Variants in CSMD1 observed in about 807,000 individuals in gnomAD.
CSMD1 encodes the protein CUB and Sushi multiple domains 1.
A neutral mutation model predicts 417.5 loss-of-function variants in CSMD1; 213 were observed. The ratio of observed to expected loss-of-function variants is 0.51; its 90% CI spans 0.46 to 0.57. The LOEUF is 0.57. CSMD1 is among the 20% of genes least tolerant of loss of function. CSMD1 has a pLI of 0.00. For synonymous variants in CSMD1, 2,862 were observed against 1,736.8 expected (o/e 1.65, Z -16.11); for missense variants, 6,923 against 4,529.7 (o/e 1.53, Z -15.17).
chr8:3,534,739 T>C (rs1263430347), intron 10 of CSMD1, among the ~76,000 whole-genome samples: 1 of 152,196 alleles, frequency 6.6e-6, no homozygotes, highest in Admixed American at 6.5e-5. Flanking sequence ...TGCATAAGCA[T>C]CCAGGTTGAG....
intron 3 of CSMD1, among the ~76,000 whole-genome samples, chr8:4,077,295 G>GTATATATATATATA (rs1253192594): frequency 1.9e-4 from 17 of 88,910 alleles, no homozygotes; most frequent in African/African-American, 7.3e-4. Context: ...ATATATATAT[G>GTATATATATATATA]TGTATATATA....
chr8:3,508,015 G>C lies in CSMD1; in HGVS notation c.1345-14289C>G, dbSNP rs563912616. 4.1e-4 allele frequency among the ~76,000 whole-genome samples: 62 copies of C among 152,250 alleles called. 1 individual carries two copies. Among genetic ancestry groups the C allele is most frequent in the African/African-American group, 1.4e-3 (59 of 41,528 alleles). On this transcript the variant is annotated intron_variant, in intron 10 of 69. Coordinates refer to ENST00000635120, the MANE Select transcript of CSMD1 (RefSeq NM_033225.6). Reference sequence around the variant, plus strand: ...GTGCAGAGGCTCTTGAGTTTTATTAGATCCCATTTGTCAATTTTGGCTTTT... The same window carrying C: ...GTGCAGAGGCTCTTGAGTTTTATTACATCCCATTTGTCAATTTTGGCTTTT...
chr8:4,795,571 A>C (rs1357894972), intron 1 of CSMD1, among the ~76,000 whole-genome samples: 5 of 151,874 alleles, frequency 3.3e-5, no homozygotes, highest in African/African-American at 1.2e-4. Context: ...CAGCTTTCTT[A>C]AGCTTTTTTT....
chr8:4,552,229 C>T (rs1369121500), intron 2 of CSMD1, among the ~76,000 whole-genome samples: 1 of 152,092 alleles, frequency 6.6e-6, no homozygotes, highest in African/African-American at 2.4e-5. Context: ...ATGTGAGCCT[C>T]CCTTTCAAGG....
At chr8:3,337,906 C>G (rs778073943) in intron 23 of CSMD1, among the ~76,000 whole-genome samples, 3 of 152,138 alleles carry the variant, frequency 2.0e-5, no homozygotes, top group African/African-American at 7.2e-5. Flanking sequence ...ATACCCTGGC[C>G]AGGAATCACT....
At chr8:4,931,018 A>G (rs2117189800) in intron 1 of CSMD1, among the ~76,000 whole-genome samples, 1 of 152,338 alleles carries the variant, frequency 6.6e-6, no homozygotes. Context: ...AATGGGAGAC[A>G]TGAGAAAAAG....
At chr8:4,411,362 C>T (rs1796641488) in intron 3 of CSMD1, among the ~76,000 whole-genome samples, 1 of 151,906 alleles carries the variant, frequency 6.6e-6, no homozygotes, top group Admixed American at 6.6e-5. Context: ...TGATTTCTTA[C>T]ATTAAAAAAA....
intron 7 of CSMD1, among the ~76,000 whole-genome samples, chr8:3,659,284 T>G (rs1442410869): frequency 6.6e-6 from 1 of 152,218 alleles, no homozygotes; most frequent in Non-Finnish European, 1.5e-5. Flanking sequence ...ATTGCAGAGA[T>G]GATCACCTTC....
intron 23 of CSMD1, among the ~76,000 whole-genome samples, chr8:3,314,903 A>T (rs1201836296): frequency 2.0e-5 from 3 of 152,260 alleles, no homozygotes; most frequent in Non-Finnish European, 4.4e-5. Context: ...ACGAGCTCAC[A>T]GTAATGTGAG....
At chr8:4,194,671 G>A (rs560288215) in intron 3 of CSMD1, among the ~76,000 whole-genome samples, 1 of 152,166 alleles carries the variant, frequency 6.6e-6, no homozygotes, top group South Asian at 2.1e-4. Context: ...TTAATAAAAT[G>A]GGGAAAAGGA....
intron 49 of CSMD1, among the ~76,000 whole-genome samples, chr8:3,084,863 C>T (rs1335391758): frequency 2.0e-5 from 3 of 151,778 alleles, no homozygotes; most frequent in Non-Finnish European, 4.4e-5. Context: ...TACCACACAA[C>T]TTTAATGTTC....
intron 1 of CSMD1, among the ~76,000 whole-genome samples, chr8:4,783,109 A>G (rs545365357): frequency 3.0e-4 from 45 of 152,342 alleles, no homozygotes; most frequent in Admixed American, 2.3e-3. Flanking sequence ...CAGATATTCA[A>G]TCACAGAGTT....
rs907587997 is a variant in CSMD1, at chr8:3,462,133, C to G, written c.1561+6579G>C. On this transcript the variant is annotated intron_variant, in intron 12 of 69. Coordinates refer to ENST00000635120, the MANE Select transcript of CSMD1 (RefSeq NM_033225.6). ...TCTTCAGAATCCAGGCCCCCCCCCC[C>G]ACCTCCCAGCTGCTCGGGACCCACA... Among the ~76,000 whole-genome samples the G allele has an allele frequency of 3.6e-3, 534 of 147,412 alleles. 7 individuals are homozygous for G. Among genetic ancestry groups the G allele is most frequent in the African/African-American group, 0.013 (505 of 39,680 alleles).
intron 3 of CSMD1, among the ~76,000 whole-genome samples, chr8:4,111,799 T>G (rs556476602): frequency 6.6e-6 from 1 of 152,216 alleles, no homozygotes; most frequent in African/African-American, 2.4e-5. Context: ...AGCATCAGGA[T>G]AAATAGCTAA....
At chr8:3,806,764 A>G (rs1053190839) in intron 5 of CSMD1, among the ~76,000 whole-genome samples, 2 of 152,228 alleles carry the variant, frequency 1.3e-5, no homozygotes, top group Admixed American at 1.3e-4. Context: ...CAAGTAATGC[A>G]AAATGTTAGT....
intron 5 of CSMD1, among the ~76,000 whole-genome samples, chr8:3,826,728 G>C (rs1249254760): frequency 6.6e-6 from 1 of 152,092 alleles, no homozygotes; most frequent in Non-Finnish European, 1.5e-5. Context: ...GAAAGAGTTT[G>C]TACTGAATAT....
At chr8:3,004,558 G>C (rs1362545082) in intron 52 of CSMD1, among the ~76,000 whole-genome samples, 1 of 152,206 alleles carries the variant, frequency 6.6e-6, no homozygotes, top group African/African-American at 2.4e-5. Flanking sequence ...AAATTCATAT[G>C]ATTTTTAATC....
chr8:3,596,818 A>G lies in CSMD1; in HGVS notation c.1098-10558T>C, dbSNP rs144568738. Among the ~76,000 whole-genome samples, 472 of 152,276 alleles carry G rather than the reference A, an allele frequency of 3.1e-3. 4 individuals are homozygous for G. The highest frequency in any genetic ancestry group is 0.011 in the African/African-American group (456 of 41,560). On this transcript the variant is annotated intron_variant, in intron 8 of 69. Transcript: ENST00000635120. ...CACACATGCATACATGCATACCAGT[A>G]ATCACATGAGATCCAAAAGCATGTT...
intron 1 of CSMD1, among the ~76,000 whole-genome samples, chr8:4,961,208 G>T (rs551823997): frequency 1.3e-5 from 2 of 152,064 alleles, no homozygotes; most frequent in South Asian, 2.1e-4. Context: ...AGTATTCTGT[G>T]TAACTAGTGA....
Sources: gnomAD v4.1 joint callset for allele counts (sites outside exome capture counted in the v4.1 genomes callset) on GRCh38, gnomAD v4.1.1 for gene constraint, MANE v1.5 for transcripts, NCBI Gene and HGNC (gene_info 2026-07-23, HGNC 2026-07-21) for gene names.